Variants in UVRAG observed in about 807,000 individuals in gnomAD.
The protein encoded by UVRAG is UV radiation resistance associated.
A neutral mutation model predicts 78.0 loss-of-function variants in UVRAG; 19 were observed. The observed-to-expected ratio is 0.24, with a 90% CI of 0.17 to 0.36. The LOEUF is 0.36. Among genes scored for constraint, UVRAG ranks in the 10% least tolerant of loss-of-function variants. The pLI is 1.00. For missense variants in UVRAG, 740 were observed against 853.8 expected (o/e 0.87, Z 1.66); for synonymous variants, 323 against 324.6 (o/e 1.00, Z 0.05).
intron 12 of UVRAG, among the ~76,000 whole-genome samples, chr11:76,036,863 A>G (rs1404737922): frequency 6.6e-6 from 1 of 152,144 alleles, no homozygotes; most frequent in African/African-American, 2.4e-5. Flanking sequence ...TTTAGAAAAA[A>G]ATATAAAATA....
chr11:75,905,627 C>G (rs1290091069), intron 5 of UVRAG, among the ~76,000 whole-genome samples: 5 of 151,994 alleles, frequency 3.3e-5, no homozygotes, highest in Admixed American at 3.3e-4. Flanking sequence ...TACTTCATTC[C>G]TTTTTAGGGC....
At chr11:75,965,376 A>T (rs530545632) in intron 7 of UVRAG, among the ~76,000 whole-genome samples, 147 of 152,276 alleles carry the variant, frequency 9.7e-4, no homozygotes, top group African/African-American at 3.3e-3. Context: ...CAGTGGCGCG[A>T]TCTCGGCTCA....
At chr11:76,022,706 T>G (rs1950267719) in intron 12 of UVRAG, among the ~76,000 whole-genome samples, 1 of 152,202 alleles carries the variant, frequency 6.6e-6, no homozygotes, top group South Asian at 2.1e-4. Flanking sequence ...GCATGCCTTT[T>G]ATGCATTCCT....
chr11:75,839,084 T>C (rs1047767411), intron 1 of UVRAG: 7 of 152,232 alleles, frequency 4.6e-5, no homozygotes, highest in African/African-American at 1.7e-4. Context: ...GCATTTCTCT[T>C]ATGAGTGAGA....
chr11:75,926,893 A>T (rs955183300), intron 6 of UVRAG, among the ~76,000 whole-genome samples: 1 of 152,052 alleles, frequency 6.6e-6, no homozygotes, highest in African/African-American at 2.4e-5. Flanking sequence ...GGGTAATAAG[A>T]GTAAAAGACA....
chr11:76,135,963 T>A (rs1056579897), intron 14 of UVRAG, among the ~76,000 whole-genome samples: 8 of 152,248 alleles, frequency 5.3e-5, no homozygotes, highest in African/African-American at 1.7e-4. Flanking sequence ...AATAATGTAC[T>A]AATTGCATAT....
intron 12 of UVRAG, among the ~76,000 whole-genome samples, chr11:76,049,203 C>G (rs1016052495): frequency 1.3e-5 from 2 of 152,248 alleles, no homozygotes; most frequent in African/African-American, 4.8e-5. Flanking sequence ...CCACTCCGCT[C>G]AGCCCTCAGC....
At chr11:76,061,681 A>G (rs894664671) in intron 12 of UVRAG, among the ~76,000 whole-genome samples, 2 of 151,878 alleles carry the variant, frequency 1.3e-5, no homozygotes, top group African/African-American at 4.8e-5. Context: ...CCCCACCAGA[A>G]GGAAGAAACT....
At chr11:76,017,850 T>C (rs1950177260) in intron 12 of UVRAG, among the ~76,000 whole-genome samples, 3 of 151,456 alleles carry the variant, frequency 2.0e-5, no homozygotes. Context: ...ACTGAGAAAA[T>C]ATATCGCAGC....
At chr11:76,031,433 G>C (rs1233561870) in intron 12 of UVRAG, among the ~76,000 whole-genome samples, 2 of 152,176 alleles carry the variant, frequency 1.3e-5, no homozygotes, top group East Asian at 3.8e-4. Flanking sequence ...AAATTGTGCA[G>C]CTATTTCATC....
rs907505644 is a variant in UVRAG at position 75,841,505 on chromosome 11, T to C, written c.118-10378T>C. Among the ~76,000 whole-genome samples, 53 of 151,822 alleles carry C rather than the reference T, an allele frequency of 3.5e-4. 1 individual carries two copies. The highest frequency in any genetic ancestry group is 1.3e-3 in the African/African-American group (52 of 41,118). On this transcript the variant is annotated intron_variant, in intron 1 of 14. Transcript: ENST00000356136. The stretch of plus-strand genomic sequence containing the variant: ...ATTAAACATTTCTTGCTCTTTTGTT[T>C]GTTTTATATCATCATTTTCAATGAC...
At chr11:76,024,993 A>G (rs537292970) in intron 12 of UVRAG, among the ~76,000 whole-genome samples, 21 of 152,270 alleles carry the variant, frequency 1.4e-4, no homozygotes, top group South Asian at 4.1e-4. Context: ...TCATCTGGCT[A>G]TTGGCACTTG....
intron 13 of UVRAG, among the ~76,000 whole-genome samples, chr11:76,066,356 A>G (rs963664940): frequency 6.6e-6 from 1 of 152,038 alleles, no homozygotes; most frequent in Non-Finnish European, 1.5e-5. Flanking sequence ...CTAGGTTTGT[A>G]TTTTCCTGAA....
At chr11:75,832,216 T>C (rs12278224) in intron 1 of UVRAG, among the ~76,000 whole-genome samples, 31,405 of 152,068 alleles carry the variant, frequency 0.21, 5,278 homozygotes, top group African/African-American at 0.47. Context: ...GGTATCCTTG[T>C]GTTCAGTTCA....
chr11:75,926,759 C>T (rs888425481), intron 6 of UVRAG, among the ~76,000 whole-genome samples: 14 of 151,390 alleles, frequency 9.2e-5, no homozygotes, highest in African/African-American at 2.7e-4. Flanking sequence ...TTAAAGCAGT[C>T]ATGTAAAGAC....
chr11:75,873,942 A>G (rs1438597901), intron 3 of UVRAG, among the ~76,000 whole-genome samples: 1 of 152,148 alleles, frequency 6.6e-6, no homozygotes, highest in Non-Finnish European at 1.5e-5. Flanking sequence ...AGTTGGGTGA[A>G]CCAGTGAAGG....
intron 13 of UVRAG, among the ~76,000 whole-genome samples, chr11:76,099,378 TG>T (rs1362425154): frequency 6.6e-6 from 1 of 152,208 alleles, no homozygotes; most frequent in Non-Finnish European, 1.5e-5. Context: ...GTACCTGCTT[TG>T]TTAGGGTTCT....
chr11:75,968,633 G>C (rs1440957184), intron 7 of UVRAG, among the ~76,000 whole-genome samples: 2 of 152,122 alleles, frequency 1.3e-5, no homozygotes, highest in East Asian at 3.8e-4. Context: ...TTTAAATCTA[G>C]AAAACATATC....
At chr11:76,044,705 C>T (rs1242961721) in intron 12 of UVRAG, among the ~76,000 whole-genome samples, 3 of 151,968 alleles carry the variant, frequency 2.0e-5, no homozygotes, top group South Asian at 2.1e-4. Context: ...ACCTGGGAGA[C>T]GGAGGCTGTA....
Sources: gnomAD v4.1 joint callset for allele counts (sites outside exome capture counted in the v4.1 genomes callset) on GRCh38, gnomAD v4.1.1 for gene constraint, MANE v1.5 for transcripts, NCBI Gene and HGNC (gene_info 2026-07-23, HGNC 2026-07-21) for gene names.